Variants in STRN observed in about 807,000 individuals in gnomAD.
The protein encoded by STRN is protein phosphatase 2 regulatory subunit B'''alpha.
STRN carries 53 observed loss-of-function variants against 96.3 expected under a neutral mutation model. The ratio of observed to expected loss-of-function variants is 0.55; its 90% confidence interval spans 0.44 to 0.69. The LOEUF (loss-of-function observed/expected upper bound fraction) is 0.69, where lower values mean the gene tolerates loss of function less well. Ranked by LOEUF, STRN falls within the 30% of genes least tolerant of loss-of-function variation. The pLI is 0.00. For synonymous variants in STRN, 428 were observed against 355.9 expected (o/e 1.20, Z -2.28); for missense variants, 987 against 963.9 (o/e 1.02, Z -0.32).
intron 1 of STRN, among the ~76,000 whole-genome samples, chr2:36,931,531 G>A (rs2110993): frequency 6.6e-6 from 1 of 152,162 alleles, no homozygotes; most frequent in African/African-American, 2.4e-5. Flanking sequence ...ATTTGTATTT[G>A]TTCATTTAAC....
chr2:36,946,100 G>C (rs1260961620), intron 1 of STRN, among the ~76,000 whole-genome samples: 1 of 151,692 alleles, frequency 6.6e-6, no homozygotes, highest in East Asian at 1.9e-4. Flanking sequence ...GAAAATACTA[G>C]AAAAAGAGAG....
Position 36,845,042 on chromosome 2 carries a change from T to A in STRN, c.*4414A>T, listed in dbSNP as rs1335784724. The A allele has an allele frequency of 1.3e-5, 2 of 152,154 alleles. No homozygotes were observed. The highest frequency in any genetic ancestry group is 2.9e-5 in the Non-Finnish European group (2 of 68,026). 9.4% of individuals were successfully genotyped at this position (152,154 alleles called of 1,614,324 possible). On this transcript the variant is annotated 3_prime_UTR_variant, in exon 18 of 18. Coordinates refer to ENST00000263918, the MANE Select transcript of STRN (RefSeq NM_003162.4). ...TTAACAGTAATGGAGAGGCAACTTC[T>A]GAGTAAATAAAATGAATGATTATGT...
chr2:36,922,724 G>A (rs1190638433), intron 2 of STRN, among the ~76,000 whole-genome samples: 4 of 152,010 alleles, frequency 2.6e-5, no homozygotes, highest in Non-Finnish European at 5.9e-5. Context: ...AAACTGCTTT[G>A]TTCCATGTCA....
At position 36,851,161 on chromosome 2, in the gene STRN, C is replaced by A. The variant is rs992876511; in HGVS notation, c.1979-54G>T. 2.6e-5 allele frequency: 38 copies of A among 1,445,640 alleles called. No individual in the cohort carries two copies. In the African/African-American group the frequency reaches 4.9e-4, roughly 19 times the overall value. The allele number at this position is 1,445,640 out of a possible 1,614,324, so 89.6% of individuals were successfully genotyped here. A position where few individuals can be genotyped will look rare whatever the true frequency, so the allele number is the denominator to read the frequency against. On this transcript the variant is annotated intron_variant, in intron 15 of 17. Transcript: ENST00000263918. ...AACTTAGTCAAAGATATTTTTCACACAAAGGAGAACTGAATTATCTATCTA... is the reference window on the plus strand; with the variant it reads ...AACTTAGTCAAAGATATTTTTCACAAAAAGGAGAACTGAATTATCTATCTA...
intron 4 of STRN, 69 bp from the exon 5 acceptor site, chr2:36,902,820 A>G (rs1283689098): frequency 3.8e-6 from 5 of 1,323,652 alleles, no homozygotes; most frequent in Non-Finnish European, 5.1e-6. Flanking sequence ...TATGTAAATA[A>G]AAGTATTTAT....
chr2:36,884,065 C>T lies in STRN; in HGVS notation c.1053G>A (p.Arg351=). 7.4e-7 allele frequency: 1 copy of T among 1,348,044 alleles called. No homozygotes were observed. The highest frequency in any genetic ancestry group is 9.6e-7 in the Non-Finnish European group (1 of 1,040,592). 83.5% of individuals were successfully genotyped at this position (1,348,044 alleles called of 1,614,324 possible). Residue 351 remains arginine, a synonymous_variant, in exon 9 of 18, where the codon AGG becomes AGA. Coordinates refer to ENST00000263918, the MANE Select transcript of STRN (RefSeq NM_003162.4). ...TAGCAAGCATATCTTGTAGTTTTGA[C>T]CTATTGGGCCCTAGCCAAAAAAAGG... is the stretch of plus-strand genomic sequence containing the variant. ...KGKKGVKRPN[R]SKLQDMLANL... is the part of the protein sequence containing the mutation.
At chr2:36,945,654 G>A (rs554636308) in intron 1 of STRN, among the ~76,000 whole-genome samples, 119 of 151,690 alleles carry the variant, frequency 7.8e-4, no homozygotes, top group Admixed American at 1.1e-3. Flanking sequence ...GACAGTGCAA[G>A]ACTGTCTCAG....
intron 16 of STRN, 75 bp from the exon 17 acceptor site, chr2:36,849,875 C>T (rs1437109786): frequency 7.2e-7 from 1 of 1,395,640 alleles, no homozygotes; most frequent in South Asian, 1.2e-5. Flanking sequence ...CCATGTCCTG[C>T]TGGTTTCTCC....
chr2:36,928,948 A>C (rs1225867327), intron 1 of STRN, among the ~76,000 whole-genome samples: 19 of 114,802 alleles, frequency 1.7e-4, no homozygotes, highest in Admixed American at 1.0e-3. Flanking sequence ...ACTCCGTCTC[A>C]AAAAAAAAAA....
At position 36,966,497 on chromosome 2, in the gene STRN, GC is replaced by G; in HGVS notation, c.-35del. Reference sequence around the variant, plus strand: ...CAGATACCCGGGGAGCTGCCCCGGCGCCCAGCAGCGGAGGCAACAGCGGCGG... The same window carrying G: ...CAGATACCCGGGGAGCTGCCCCGGCGCCAGCAGCGGAGGCAACAGCGGCGG... On this transcript the variant is annotated 5_prime_UTR_variant, in exon 1 of 18. Transcript: ENST00000263918. The G allele has an allele frequency of 7.2e-7, 1 of 1,390,592 alleles. No homozygotes were observed. Among genetic ancestry groups the G allele is most frequent in the Non-Finnish European group, 9.3e-7 (1 of 1,076,460 alleles). 86.1% of individuals were successfully genotyped at this position (1,390,592 alleles called of 1,614,324 possible).
At chr2:36,927,170 C>G (rs1172245209) in intron 1 of STRN, among the ~76,000 whole-genome samples, 1 of 152,040 alleles carries the variant, frequency 6.6e-6, no homozygotes, top group Non-Finnish European at 1.5e-5. Context: ...AAAGTCTTTA[C>G]TGTATATGTT....
rs553351693 is a variant in STRN, at chr2:36,948,081, C to CTTT, written c.234+18146_234+18148dup. On this transcript the variant is annotated intron_variant, in intron 1 of 17. Coordinates refer to ENST00000263918, the MANE Select transcript of STRN (RefSeq NM_003162.4). ...TCTCCTCTATAATTATCAGTGCACT[C>CTTT]TTTTTTTTTTTTTTTTTTTTTTTTT... Among the ~76,000 whole-genome samples the CTTT allele has an allele frequency of 1.9e-4, 13 of 68,136 alleles. 2 individuals are homozygous for CTTT. The highest frequency in any genetic ancestry group is 4.3e-4 in the Admixed American group (2 of 4,662). 44.7% of individuals were successfully genotyped at this position (68,136 alleles called of 152,430 possible). A position where few individuals can be genotyped will look rare whatever the true frequency, so the allele number is the denominator to read the frequency against.
rs1200655411 is a variant in STRN, at chr2:36,849,190, C to T, written c.*266G>A. 4.9e-6 allele frequency: 2 copies of T among 405,630 alleles called. No individual in the cohort carries two copies. The highest frequency in any genetic ancestry group is 8.9e-6 in the Non-Finnish European group (2 of 225,824). The allele number at this position is 405,630 out of a possible 1,614,324, so 25.1% of individuals were successfully genotyped here. A position where few individuals can be genotyped will look rare whatever the true frequency, so the allele number is the denominator to read the frequency against. On this transcript the variant is annotated 3_prime_UTR_variant, in exon 18 of 18. Coordinates refer to ENST00000263918, the MANE Select transcript of STRN (RefSeq NM_003162.4). The stretch of plus-strand genomic sequence containing the variant: ...CTCAGGCCTGCCTAGCGAATTAGAA[C>T]CACCTCAGAAATAAAGGCGCCTATT...
At position 36,946,537 on chromosome 2, in the gene STRN, A is replaced by G. The variant is rs1396743343; in HGVS notation, c.234+19693T>C. Reference sequence around the variant, plus strand: ...TAAACATCCCAATTATTACCAAGGTAAGCGCAAGCTCAATAAAAATCCCAC... The same window carrying G: ...TAAACATCCCAATTATTACCAAGGTGAGCGCAAGCTCAATAAAAATCCCAC... On this transcript the variant is annotated intron_variant, in intron 1 of 17. Transcript: ENST00000263918. Among the ~76,000 whole-genome samples, 3 of 152,244 alleles carry G rather than the reference A, an allele frequency of 2.0e-5. No homozygotes were observed. The South Asian group carries it at 6.2e-4, about 31-fold the overall frequency.
At chr2:36,885,553 G>C (rs998957002) in intron 8 of STRN, among the ~76,000 whole-genome samples, 8 of 152,060 alleles carry the variant, frequency 5.3e-5, no homozygotes, top group African/African-American at 1.9e-4. Flanking sequence ...TCTATCTTGA[G>C]ATAGCATTAC....
At position 36,844,960 on chromosome 2, in the gene STRN, C is replaced by A. The variant is rs1336684291; in HGVS notation, c.*4496G>T. 6.6e-6 allele frequency: 1 copy of A among 152,074 alleles called. No individual in the cohort carries two copies. The highest frequency in any genetic ancestry group is 1.9e-4 in the East Asian group (1 of 5,198). The allele number at this position is 152,074 out of a possible 1,614,324, so 9.4% of individuals were successfully genotyped here. On this transcript the variant is annotated 3_prime_UTR_variant, in exon 18 of 18. Coordinates refer to ENST00000263918, the MANE Select transcript of STRN (RefSeq NM_003162.4). ...CGTCAGCTACTACTTTGTATACAAC[C>A]TGAATCCCAGTGTCCAACACTTAAA...
intron 3 of STRN, among the ~76,000 whole-genome samples, chr2:36,913,612 C>G (rs1216217605): frequency 6.6e-6 from 1 of 152,208 alleles, no homozygotes; most frequent in Non-Finnish European, 1.5e-5. Flanking sequence ...ACTTCTTTAA[C>G]TGTCTATCTT....
At chr2:36,946,259 T>C (rs1670982158) in intron 1 of STRN, among the ~76,000 whole-genome samples, 1 of 151,038 alleles carries the variant, frequency 6.6e-6, no homozygotes, top group South Asian at 2.1e-4. Context: ...ACCTAAAACA[T>C]CCAAATATGA....
intron 3 of STRN, among the ~76,000 whole-genome samples, chr2:36,911,805 G>C (rs777782953): frequency 1.1e-4 from 17 of 151,894 alleles, no homozygotes; most frequent in Non-Finnish European, 1.8e-4. Flanking sequence ...ACTTTACCCA[G>C]ACTACCAAAT....
Sources: gnomAD v4.1 joint callset for allele counts (sites outside exome capture counted in the v4.1 genomes callset) on GRCh38, gnomAD v4.1.1 for gene constraint, MANE v1.5 for transcripts, NCBI Gene and HGNC (gene_info 2026-07-23, HGNC 2026-07-21) for gene names.